KCNT2: variants seen among roughly 807,000 people sequenced by gnomAD.
KCNT2 encodes potassium channel subfamily T member 2.
KCNT2 carries 67 observed loss-of-function variants against 153.8 expected under a neutral mutation model. The ratio of observed to expected loss-of-function variants is 0.44; its 90% CI spans 0.36 to 0.53. The LOEUF is 0.53. KCNT2 is among the 20% of genes least tolerant of loss of function. The pLI is 0.00. For synonymous variants in KCNT2, 500 were observed against 458.8 expected, an observed-to-expected ratio of 1.09 and a Z score of -1.15; for missense variants, 975 against 1,354.8, an observed-to-expected ratio of 0.72 and a Z score of 4.40.
intron 1 of KCNT2, among the ~76,000 whole-genome samples, chr1:196,514,623 T>C (rs1266956193): frequency 2.6e-5 from 4 of 152,252 alleles, no homozygotes; most frequent in African/African-American, 9.6e-5. Flanking sequence ...TGTATTTACC[T>C]ATAAACTTAC....
At chr1:196,411,398 C>A (rs1177905255) in intron 12 of KCNT2, among the ~76,000 whole-genome samples, 2 of 116,534 alleles carry the variant, frequency 1.7e-5, no homozygotes, top group African/African-American at 6.3e-5. Context: ...TATTCTGGAT[C>A]TTTTGTGGTG....
intron 1 of KCNT2, among the ~76,000 whole-genome samples, chr1:196,558,993 AT>A (rs1272903059): frequency 6.6e-6 from 1 of 151,502 alleles, no homozygotes; most frequent in Non-Finnish European, 1.5e-5. Flanking sequence ...CAAATGAGGT[AT>A]GCATAAGAAA....
chr1:196,539,083 A>G (rs1359429968), intron 1 of KCNT2, among the ~76,000 whole-genome samples: 2 of 152,216 alleles, frequency 1.3e-5, no homozygotes, highest in Non-Finnish European at 2.9e-5. Context: ...TCTCGAAGAC[A>G]GAAATCAGAA....
At chr1:196,270,902 C>G (rs942134664) in intron 25 of KCNT2, among the ~76,000 whole-genome samples, 1 of 151,794 alleles carries the variant, frequency 6.6e-6, no homozygotes, top group Non-Finnish European at 1.5e-5. Context: ...GGGGCTATCA[C>G]TCAATCACCT....
At chr1:196,574,433 T>C (rs1036792575) in intron 1 of KCNT2, among the ~76,000 whole-genome samples, 4 of 151,844 alleles carry the variant, frequency 2.6e-5, no homozygotes, top group Non-Finnish European at 5.9e-5. Context: ...CTTAGAGTCA[T>C]AGCTGTTAAA....
intron 25 of KCNT2, among the ~76,000 whole-genome samples, chr1:196,265,763 A>G (rs565205684): frequency 6.6e-6 from 1 of 152,304 alleles, no homozygotes; most frequent in Admixed American, 6.5e-5. Flanking sequence ...CTATGCCTCC[A>G]TAACAGCACA....
At chr1:196,463,618 C>A (rs1025617958) in intron 8 of KCNT2, among the ~76,000 whole-genome samples, 1 of 151,362 alleles carries the variant, frequency 6.6e-6, no homozygotes, top group African/African-American at 2.4e-5. Flanking sequence ...AAGACACACA[C>A]AAAACAACAA....
At chr1:196,475,993 T>C (rs1320430032) in intron 5 of KCNT2, among the ~76,000 whole-genome samples, 1 of 152,214 alleles carries the variant, frequency 6.6e-6, no homozygotes, top group Non-Finnish European at 1.5e-5. Context: ...TCTAATTTTA[T>C]AAATTATAAG....
Position 196,285,738 on chromosome 1 carries a change from A to G in KCNT2, c.2616T>C (p.Ser872=). ...KLEKKERERG[S]NLAFMFRLPF... The stretch of plus-strand genomic sequence containing the variant: ...GCAGTCGAAACATAAAGGCCAAGTT[A>G]GAGCCTCTCTCCCGTTCTTTCTGTT... Residue 872 remains serine (S), a synonymous_variant, in exon 23 of 28, where the codon TCT becomes TCC. Coordinates refer to ENST00000294725, the MANE Select transcript of KCNT2 (RefSeq NM_198503.5). 1 of 1,611,674 alleles carries G rather than the reference A, an allele frequency of 6.2e-7. No individual in the cohort carries two copies. The highest frequency in any genetic ancestry group is 8.5e-7 in the Non-Finnish European group (1 of 1,177,826).
intron 14 of KCNT2, among the ~76,000 whole-genome samples, chr1:196,351,077 A>G (rs975050120): frequency 1.3e-5 from 2 of 152,158 alleles, no homozygotes; most frequent in Non-Finnish European, 2.9e-5. Flanking sequence ...CTGTTTTGGT[A>G]CCAGTATCAT....
intron 1 of KCNT2, among the ~76,000 whole-genome samples, chr1:196,564,233 TG>T (rs1351093006): frequency 6.6e-6 from 1 of 151,346 alleles, no homozygotes; most frequent in Non-Finnish European, 1.5e-5. Context: ...AGAAACTATC[TG>T]AAAAAAAATT....
rs1453064752 is a variant in KCNT2, at chr1:196,463,048, T to C, written c.638+2245A>G. Among the ~76,000 whole-genome samples, 5 of 151,770 alleles carry C rather than the reference T, an allele frequency of 3.3e-5. No individual in the cohort carries two copies. The South Asian group carries it at 1.0e-3, about 32-fold the overall frequency. On this transcript the variant is annotated intron_variant, in intron 8 of 27. Transcript: ENST00000294725. ...AGAACAGGGCAGCCATCTTGAACCATAGACAGAAACCATGTTTTGAAAAAT... is the reference window on the plus strand; with the variant it reads ...AGAACAGGGCAGCCATCTTGAACCACAGACAGAAACCATGTTTTGAAAAAT...
At chr1:196,399,997 T>G (rs190776804) in intron 12 of KCNT2, among the ~76,000 whole-genome samples, 105 of 151,918 alleles carry the variant, frequency 6.9e-4, no homozygotes, top group East Asian at 1.2e-3. Flanking sequence ...ACCCAGTCTA[T>G]GCTATTTTGT....
intron 14 of KCNT2, among the ~76,000 whole-genome samples, chr1:196,356,047 T>C (rs1667147555): frequency 6.6e-6 from 1 of 151,804 alleles, no homozygotes; most frequent in South Asian, 2.1e-4. Context: ...TAAATATTAA[T>C]ACTTAGACAT....
At chr1:196,606,484 T>C (rs2149043339) in intron 1 of KCNT2, among the ~76,000 whole-genome samples, 2 of 152,326 alleles carry the variant, frequency 1.3e-5, no homozygotes, top group African/African-American at 2.4e-5. Context: ...TGGGCTAGCA[T>C]AACCTTTTAA....
At chr1:196,529,325 G>A (rs1572734989) in intron 1 of KCNT2, among the ~76,000 whole-genome samples, 1 of 152,062 alleles carries the variant, frequency 6.6e-6, no homozygotes. Context: ...CCTTATCCAT[G>A]TCAGCAAAAA....
rs536048658 is a variant in KCNT2, at chr1:196,483,908, C to A, written c.276-1529G>T. ...AACCAATGATCAATGATAAATGGTGCCAATTAAGTCAAAGGTATAACTTAT... is the reference window on the plus strand; with the variant it reads ...AACCAATGATCAATGATAAATGGTGACAATTAAGTCAAAGGTATAACTTAT... On this transcript the variant is annotated intron_variant, in intron 3 of 27. Coordinates refer to ENST00000294725, the MANE Select transcript of KCNT2 (RefSeq NM_198503.5). 2.3e-3 allele frequency among the ~76,000 whole-genome samples: 345 copies of A among 152,190 alleles called. 1 individual carries two copies. The highest frequency in any genetic ancestry group is 4.1e-3 in the Non-Finnish European group (278 of 67,986).
At chr1:196,267,928 T>A (rs558321775) in intron 25 of KCNT2, among the ~76,000 whole-genome samples, 1 of 152,146 alleles carries the variant, frequency 6.6e-6, no homozygotes, top group East Asian at 1.9e-4. Flanking sequence ...CTATCCTAAA[T>A]CCCTTGGCTA....
chr1:196,346,872 G>C (rs1373641757), intron 14 of KCNT2, among the ~76,000 whole-genome samples: 3 of 152,094 alleles, frequency 2.0e-5, no homozygotes, highest in Non-Finnish European at 4.4e-5. Flanking sequence ...TTGTTTTCTG[G>C]AGGATTTCTG....
Sources: allele counts gnomAD v4.1 joint callset (sites outside exome capture counted in the v4.1 genomes callset), GRCh38; gene constraint gnomAD v4.1.1; transcripts MANE v1.5; gene names NCBI Gene and HGNC (gene_info 2026-07-23, HGNC 2026-07-21).